The following LAMA2 variants were observed in gnomAD, a reference collection of about 807,000 sequenced individuals.
The protein encoded by LAMA2 is laminin subunit alpha 2.
LAMA2 carries 269 observed loss-of-function variants against 364.8 expected under a neutral mutation model. The observed-to-expected ratio is 0.74, with a 90% CI of 0.67 to 0.82. The LOEUF (loss-of-function observed/expected upper bound fraction) is 0.82. LAMA2 is among the 40% of genes least tolerant of loss of function. The pLI is 0.00. For missense variants in LAMA2, 3,807 were observed against 3,873.2 expected, an observed-to-expected ratio of 0.98 and a Z score of 0.45; for synonymous variants, 1,379 against 1,370.6, an observed-to-expected ratio of 1.01 and a Z score of -0.14.
At chr6:129,307,888 T>C (rs151135526) in intron 22 of LAMA2, among the ~76,000 whole-genome samples, 2 of 152,344 alleles carry the variant, frequency 1.3e-5, no homozygotes, top group East Asian at 1.9e-4. Flanking sequence ...TTGTGAAATA[T>C]TGGAACGTGA....
rs1438685444 is a variant in LAMA2, at chr6:129,403,809, T to A, written c.5727-12T>A. On this transcript the variant is annotated splice_polypyrimidine_tract_variant and intron_variant, in intron 39 of 64. Coordinates refer to ENST00000421865, the MANE Select transcript of LAMA2 (RefSeq NM_000426.4). ...AGTGCCCTGACATTCCTTTTTTGAA[T>A]CATCCCACCAGAATCCTTGATGAGG... is the stretch of plus-strand genomic sequence containing the variant. 1.2e-6 allele frequency: 2 copies of A among 1,612,306 alleles called. No homozygotes were observed.
intron 23 of LAMA2, among the ~76,000 whole-genome samples, chr6:129,313,615 A>G (rs889052279): frequency 1.3e-5 from 2 of 152,228 alleles, no homozygotes; most frequent in Non-Finnish European, 1.5e-5. Context: ...TTCAGCCCTC[A>G]TTAATATGGT....
chr6:129,015,384 C>T (rs1468670530), intron 1 of LAMA2, among the ~76,000 whole-genome samples: 2 of 152,052 alleles, frequency 1.3e-5, no homozygotes, highest in Non-Finnish European at 2.9e-5. Flanking sequence ...AGGAAAGATA[C>T]AGCATCAACC....
intron 9 of LAMA2, among the ~76,000 whole-genome samples, chr6:129,171,733 T>C (rs1448495965): frequency 2.4e-5 from 3 of 125,194 alleles, no homozygotes; most frequent in Admixed American, 8.5e-5. Context: ...CCTTGCTAGA[T>C]TGGGGAAGTT....
chr6:129,499,076 C>T (rs1013458775), intron 58 of LAMA2, among the ~76,000 whole-genome samples: 3 of 152,256 alleles, frequency 2.0e-5, no homozygotes, highest in Admixed American at 2.0e-4. Flanking sequence ...CCACGCGAGA[C>T]TCCCCACCCA....
intron 17 of LAMA2, among the ~76,000 whole-genome samples, chr6:129,271,233 T>C (rs1562400280): frequency 6.6e-6 from 1 of 152,120 alleles, no homozygotes; most frequent in Non-Finnish European, 1.5e-5. Flanking sequence ...GTACCCATTC[T>C]ATCCCTTCTT....
intron 1 of LAMA2, among the ~76,000 whole-genome samples, chr6:129,016,329 G>C (rs996554751): frequency 6.6e-6 from 1 of 151,970 alleles, no homozygotes; most frequent in Non-Finnish European, 1.5e-5. Context: ...AATTCAACTT[G>C]TAAGCATATA....
chr6:129,059,298 C>T (rs1415322699), intron 2 of LAMA2, among the ~76,000 whole-genome samples: 1 of 152,116 alleles, frequency 6.6e-6, no homozygotes, highest in Admixed American at 6.6e-5. Context: ...ATATATTGGA[C>T]TCCCTACGTC....
chr6:128,979,274 A>G (rs1199235709), intron 1 of LAMA2, among the ~76,000 whole-genome samples: 1 of 152,204 alleles, frequency 6.6e-6, no homozygotes, highest in Non-Finnish European at 1.5e-5. Context: ...TCCTGATCAG[A>G]TAAATCCTCA....
Position 129,391,598 on chromosome 6 carries a change from G to A in LAMA2, c.5179G>A (p.Glu1727Lys), listed in dbSNP as rs374201203. Residue 1727 changes from glutamate (E) to lysine (K), a missense_variant, in exon 36 of 65, where the codon GAA (glutamate) becomes AAA (lysine). Around this residue, in one of 3 missense-constraint regions of LAMA2, gnomAD observed 3,333 missense variants for 3,345.7 expected, o/e 1.00. Transcript: ENST00000421865. The part of the protein sequence containing the change: ...LQKEIDQMIK[E>K]LRRKNLETQK... ...GAAAGAGATTGACCAGATGATTAAA[G>A]AACTGAGGAGGAAAAATCTAGAGAC... The A allele has an allele frequency of 2.5e-6, 4 of 1,613,922 alleles. No homozygotes were observed. The highest frequency in any genetic ancestry group is 2.7e-5 in the African/African-American group (2 of 75,034).
At chr6:129,131,937 C>G (rs1777501275) in intron 4 of LAMA2, among the ~76,000 whole-genome samples, 1 of 152,160 alleles carries the variant, frequency 6.6e-6, no homozygotes, top group South Asian at 2.1e-4. Flanking sequence ...GATCCCTTCT[C>G]CATCACGTTC....
At chr6:129,514,685 G>C (rs1224683129) in intron 64 of LAMA2, 90 bp downstream of exon 64, 1 of 994,888 alleles carries the variant, frequency 1.0e-6, no homozygotes. Context: ...CTAAGAATGT[G>C]TGCTTATGTG....
chr6:129,355,464 C>A (rs954275014), intron 32 of LAMA2, among the ~76,000 whole-genome samples: 14 of 152,098 alleles, frequency 9.2e-5, no homozygotes, highest in Non-Finnish European at 1.6e-4. Context: ...CTGACTTATT[C>A]TCAATTTTCC....
In LAMA2 at chr6:129,349,402, A is replaced by G. The variant is rs1470592116; in HGVS notation, c.4523+18A>G. The G allele has an allele frequency of 1.4e-5, 22 of 1,580,884 alleles. No homozygotes were observed. The highest frequency in any genetic ancestry group is 1.9e-5 in the Non-Finnish European group (22 of 1,149,760). On this transcript the variant is annotated intron_variant, in intron 31 of 64. Coordinates refer to ENST00000421865, the MANE Select transcript of LAMA2 (RefSeq NM_000426.4). ...TGTGAAAGGTACCAACAGCCATGAAACGTACAGAGTAATGATATGTAGGGA... is the reference window on the plus strand; with the variant it reads ...TGTGAAAGGTACCAACAGCCATGAAGCGTACAGAGTAATGATATGTAGGGA...
intron 1 of LAMA2, among the ~76,000 whole-genome samples, chr6:128,947,997 A>G (rs66972531): frequency 0.038 from 5,729 of 152,202 alleles, 198 homozygotes; most frequent in African/African-American, 0.093. Context: ...TTTTGAGACT[A>G]TAAGAAAGGA....
rs543293656 is a variant in LAMA2, at chr6:128,905,752, T to A, written c.112+22395T>A. Among the ~76,000 whole-genome samples, 1,371 of 152,008 alleles carry A rather than the reference T, an allele frequency of 9.0e-3. 28 individuals carry two copies. The highest frequency in any genetic ancestry group is 0.032 in the African/African-American group (1,321 of 41,470). ...GCACCCACTAACTCGTCATCTAGCA[T>A]TAGGTATATCTCCCAATGCTATCCC... On this transcript the variant is annotated intron_variant, in intron 1 of 64. Coordinates refer to ENST00000421865, the MANE Select transcript of LAMA2 (RefSeq NM_000426.4).
chr6:129,409,429 A>G (rs1780413175), intron 40 of LAMA2, among the ~76,000 whole-genome samples: 1 of 152,188 alleles, frequency 6.6e-6, no homozygotes, highest in South Asian at 2.1e-4. Flanking sequence ...GACTGGCTCG[A>G]GCCTGATCAT....
intron 1 of LAMA2, among the ~76,000 whole-genome samples, chr6:128,889,658 A>G (rs569900402): frequency 1.3e-4 from 20 of 152,230 alleles, no homozygotes; most frequent in African/African-American, 4.6e-4. Flanking sequence ...ATTCTAACAA[A>G]TATAACATTT....
chr6:129,463,973 G>A lies in LAMA2; in HGVS notation c.6993-317G>A, dbSNP rs534673210. Among the ~76,000 whole-genome samples, 408 of 151,824 alleles carry A rather than the reference G, an allele frequency of 2.7e-3. 1 individual carries two copies. The highest frequency in any genetic ancestry group is 9.2e-3 in the African/African-American group (380 of 41,444). On this transcript the variant is annotated intron_variant, in intron 49 of 64. Transcript: ENST00000421865. ...TATTCTCAGCCCATCCAGAAACCCC[G>A]CCCCTTTGCCCAAATACCACTAAGA...
Sources: gnomAD v4.1 joint callset for allele counts (sites outside exome capture counted in the v4.1 genomes callset) on GRCh38, gnomAD v4.1.1 for gene constraint, gnomAD v4.1.1 regional missense constraint, MANE v1.5 for transcripts, NCBI Gene and HGNC (gene_info 2026-07-23, HGNC 2026-07-21) for gene names.